Variants in RCAN2 observed in about 807,000 individuals in gnomAD.
RCAN2 encodes the protein calcipressin-2.
A neutral mutation model predicts 23.6 loss-of-function variants in RCAN2; 9 were observed. That is an observed-to-expected ratio of 0.38 (90% confidence interval 0.23 to 0.67). RCAN2 has a LOEUF of 0.67. Among genes scored for constraint, RCAN2 ranks in the 30% least tolerant of loss-of-function variants. RCAN2 has a pLI of 0.51. For synonymous variants in RCAN2, 109 were observed against 115.7 expected (o/e 0.94, Z 0.37); for missense variants, 273 against 302.3 (o/e 0.90, Z 0.72).
chr6:46,473,773 A>G (rs181140105), intron 1 of RCAN2, among the ~76,000 whole-genome samples: 3 of 152,284 alleles, frequency 2.0e-5, no homozygotes, highest in South Asian at 2.1e-4. Flanking sequence ...ATATCCATGG[A>G]TATTAAACCA....
At chr6:46,429,767 G>T (rs1767134631) in intron 2 of RCAN2, among the ~76,000 whole-genome samples, 1 of 152,146 alleles carries the variant, frequency 6.6e-6, no homozygotes, top group Non-Finnish European at 1.5e-5. Flanking sequence ...GATCATTCAT[G>T]CTGAGATAAG....
intron 2 of RCAN2, among the ~76,000 whole-genome samples, chr6:46,263,545 G>GTATC (rs1561834113): frequency 1.6e-5 from 1 of 62,698 alleles, no homozygotes; most frequent in African/African-American, 5.6e-5. Context: ...GTGTATGTGT[G>GTATC]TGTGTGTGTG....
At chr6:46,462,298 CA>C (rs746274783) in intron 1 of RCAN2, among the ~76,000 whole-genome samples, 58 of 152,126 alleles carry the variant, frequency 3.8e-4, no homozygotes, top group Admixed American at 7.9e-4. Flanking sequence ...CAGAAAACAT[CA>C]CCAACAACAA....
At chr6:46,388,374 G>A (rs1054012304) in intron 2 of RCAN2, among the ~76,000 whole-genome samples, 1 of 152,058 alleles carries the variant, frequency 6.6e-6, no homozygotes, top group Non-Finnish European at 1.5e-5. Context: ...TTCAACCATC[G>A]TGGAAGGCAG....
intron 4 of RCAN2, among the ~76,000 whole-genome samples, chr6:46,232,531 C>CCTGTA (rs1765933278): frequency 6.6e-6 from 1 of 151,934 alleles, no homozygotes; most frequent in South Asian, 2.1e-4. Context: ...GTGTCTCATG[C>CCTGTA]CTGTAATGCC....
intron 1 of RCAN2, among the ~76,000 whole-genome samples, chr6:46,479,574 C>CTG (rs150761796): frequency 0.019 from 2,696 of 139,954 alleles, 37 homozygotes; most frequent in Middle Eastern, 0.046. Context: ...GCAGTAGGGT[C>CTG]TGTCTCACCT....
chr6:46,464,737 C>A (rs918394753), intron 1 of RCAN2, among the ~76,000 whole-genome samples: 2 of 152,150 alleles, frequency 1.3e-5, no homozygotes, highest in African/African-American at 4.8e-5. Context: ...TTGAAAGTAT[C>A]AGGAACATGC....
chr6:46,281,126 G>C (rs958526210), intron 2 of RCAN2, among the ~76,000 whole-genome samples: 2 of 151,728 alleles, frequency 1.3e-5, no homozygotes, highest in Admixed American at 6.6e-5. Context: ...AGTGAGGGAG[G>C]GGGAGAAGAA....
At chr6:46,281,408 T>G (rs1025096010) in intron 2 of RCAN2, among the ~76,000 whole-genome samples, 1 of 152,202 alleles carries the variant, frequency 6.6e-6, no homozygotes, top group East Asian at 1.9e-4. Context: ...TTAAACAAGT[T>G]TCCCAAGTGA....
rs376524527 is a variant in RCAN2 at position 46,243,809 on chromosome 6, C to CAAAAA, written c.571+2934_571+2938dup. ...TGGGTGACAGGGTAAGATTCTGTCT[C>CAAAAA]AAAAAAAAAAAAAAAAAAAAAAACC... On this transcript the variant is annotated intron_variant, in intron 4 of 4. Coordinates refer to ENST00000371374, the MANE Select transcript of RCAN2 (RefSeq NM_001251974.2). Among the ~76,000 whole-genome samples, 33 of 54,988 alleles carry CAAAAA rather than the reference C, an allele frequency of 6.0e-4. 1 individual carries two copies. The highest frequency in any genetic ancestry group is 1.2e-3 in the African/African-American group (15 of 12,132). The allele number at this position is 54,988 out of a possible 152,430, so 36.1% of individuals were successfully genotyped here. A position where few individuals can be genotyped will look rare whatever the true frequency, so the allele number is the denominator to read the frequency against.
At chr6:46,357,734 G>T (rs1764882445) in intron 2 of RCAN2, among the ~76,000 whole-genome samples, 1 of 152,172 alleles carries the variant, frequency 6.6e-6, no homozygotes, top group African/African-American at 2.4e-5. Flanking sequence ...AAGCTGGGAT[G>T]CTTTTAGTTG....
At chr6:46,396,902 G>A (rs1766106516) in intron 2 of RCAN2, among the ~76,000 whole-genome samples, 1 of 151,984 alleles carries the variant, frequency 6.6e-6, no homozygotes, top group African/African-American at 2.4e-5. Context: ...ACCTGAGGTC[G>A]GAGTTCGAGA....
intron 2 of RCAN2, chr6:46,325,510 G>A: frequency 1.9e-6 from 3 of 1,613,212 alleles, no homozygotes; most frequent in Non-Finnish European, 2.5e-6. Context: ...TAAAGAGTTA[G>A]GCAACCTCAG....
chr6:46,416,990 T>A (rs1426559395), intron 2 of RCAN2, among the ~76,000 whole-genome samples: 1 of 152,252 alleles, frequency 6.6e-6, no homozygotes, highest in African/African-American at 2.4e-5. Context: ...GCCATCATTT[T>A]AAACCATTCT....
At chr6:46,236,700 C>T (rs752886437) in intron 4 of RCAN2, among the ~76,000 whole-genome samples, 3 of 152,110 alleles carry the variant, frequency 2.0e-5, no homozygotes, top group Non-Finnish European at 2.9e-5. Flanking sequence ...GAATATTCTT[C>T]CTATAGTTTA....
At chr6:46,448,467 A>G (rs770116695) in intron 2 of RCAN2, among the ~76,000 whole-genome samples, 1 of 151,896 alleles carries the variant, frequency 6.6e-6, no homozygotes, top group Non-Finnish European at 1.5e-5. Flanking sequence ...AATACTTCCA[A>G]CTGTATTTTA....
At chr6:46,280,556 TAC>T (rs886569205) in intron 2 of RCAN2, among the ~76,000 whole-genome samples, 11 of 152,150 alleles carry the variant, frequency 7.2e-5, no homozygotes, top group African/African-American at 2.7e-4. Flanking sequence ...CACCTCCAGA[TAC>T]CCAATAACCA....
At chr6:46,271,952 GTA>G (rs1357344211) in intron 2 of RCAN2, among the ~76,000 whole-genome samples, 2 of 152,220 alleles carry the variant, frequency 1.3e-5, no homozygotes, top group African/African-American at 4.8e-5. Flanking sequence ...ACTCTGTGCT[GTA>G]GTAATTGGGC....
chr6:46,405,234 C>T (rs1255211550), intron 2 of RCAN2, among the ~76,000 whole-genome samples: 1 of 152,136 alleles, frequency 6.6e-6, no homozygotes, highest in African/African-American at 2.4e-5. Context: ...AGCTGCAGAT[C>T]TTCACCGTGA....
Sources: gnomAD v4.1 joint callset for allele counts (sites outside exome capture counted in the v4.1 genomes callset) on GRCh38, gnomAD v4.1.1 for gene constraint, MANE v1.5 for transcripts, NCBI Gene and HGNC (gene_info 2026-07-23, HGNC 2026-07-21) for gene names.